JCAD: variants seen among roughly 807,000 people sequenced by gnomAD.
The protein encoded by JCAD is junctional cadherin 5 associated.
Under a neutral mutation model 98.0 loss-of-function variants are expected in JCAD, and 40 were observed. The ratio of observed to expected loss-of-function variants is 0.41; its 90% CI spans 0.32 to 0.53. The LOEUF is 0.53. JCAD is among the 20% of genes least tolerant of loss of function. The pLI, the probability that JCAD is intolerant of heterozygous loss-of-function variation, is 0.31. For missense variants in JCAD, 1,705 were observed against 1,738.1 expected, an observed-to-expected ratio of 0.98 and a Z score of 0.34; for synonymous variants, 691 against 682.3, an observed-to-expected ratio of 1.01 and a Z score of -0.20.
chr10:30,083,729 C>A (rs1838122805), intron 1 of JCAD, among the ~76,000 whole-genome samples: 2 of 152,044 alleles, frequency 1.3e-5, no homozygotes, highest in Non-Finnish European at 2.9e-5. Context: ...GTGTTTAAGC[C>A]ATAAGAAAGA....
rs1480659635 is a variant in JCAD at position 30,047,624 on chromosome 10, T to C, written c.189A>G (p.Lys63=). ...ALAHRKTSAG[K]GHVSDSESRR... Reference sequence around the variant, plus strand: ...GGCTTTCGGAGTCACTCACATGTCCTTTCCCCGCGGACGTCTTACGATGTG... The same window carrying C: ...GGCTTTCGGAGTCACTCACATGTCCCTTCCCCGCGGACGTCTTACGATGTG... The change falls in exon 2 of 4, where the codon AAA becomes AAG. Residue 63 remains lysine (K), a synonymous_variant. Transcript: ENST00000375377. 12 of 1,614,024 alleles carry C rather than the reference T, an allele frequency of 7.4e-6. No individual in the cohort carries two copies. Among genetic ancestry groups the C allele is most frequent in the Non-Finnish European group, 1.0e-5 (12 of 1,180,026 alleles).
intron 2 of JCAD, among the ~76,000 whole-genome samples, chr10:30,038,174 G>C (rs573135632): frequency 3.9e-5 from 6 of 152,112 alleles, no homozygotes; most frequent in African/African-American, 1.4e-4. Flanking sequence ...ACGGTCCACC[G>C]GCCCCACCCC....
chr10:30,031,065 C>G lies in JCAD; in HGVS notation c.282-1199G>C, dbSNP rs1564446478. 2.6e-5 allele frequency among the ~76,000 whole-genome samples: 4 copies of G among 151,202 alleles called. 1 individual carries two copies. The highest frequency in any genetic ancestry group is 4.9e-5 in the African/African-American group (2 of 40,632). ...AAAATATACACATTACCAAGTCTCTCCCACTGAAAGTTCAGACTTGGTAGG... is the reference window on the plus strand; with the variant it reads ...AAAATATACACATTACCAAGTCTCTGCCACTGAAAGTTCAGACTTGGTAGG... On this transcript the variant is annotated intron_variant, in intron 2 of 3. Coordinates refer to ENST00000375377, the MANE Select transcript of JCAD (RefSeq NM_020848.4).
chr10:30,048,374 T>C (rs1837399813), intron 1 of JCAD, among the ~76,000 whole-genome samples: 1 of 152,178 alleles, frequency 6.6e-6, no homozygotes, highest in Non-Finnish European at 1.5e-5. Context: ...GTGAGATCTT[T>C]AATCAACACA....
intron 2 of JCAD, among the ~76,000 whole-genome samples, chr10:30,065,420 A>G (rs1249784634): frequency 6.6e-6 from 1 of 152,226 alleles, no homozygotes; most frequent in Non-Finnish European, 1.5e-5. Context: ...AAAAAAATCT[A>G]GAAAGGATTT....
At chr10:30,073,653 C>CCTTCCTTCCTTCCTTCCTTCCTTG in intron 1 of JCAD, among the ~76,000 whole-genome samples, 1 of 69,184 alleles carries the variant, frequency 1.4e-5, no homozygotes, top group African/African-American at 5.1e-5. Flanking sequence ...GATTGTCCTT[C>CCTTCCTTCCTTCCTTCCTTCCTTG]CTTCCTTCCT....
Position 30,026,638 on chromosome 10 carries a change from A to G in JCAD, c.3510T>C (p.Pro1170=), listed in dbSNP as rs1207558944. 12 of 1,613,074 alleles carry G rather than the reference A, an allele frequency of 7.4e-6. No individual in the cohort carries two copies. The highest frequency in any genetic ancestry group is 1.0e-5 in the Non-Finnish European group (12 of 1,180,032). ...VGDRDSARRA[P]QAFEHSDVDG... ...CCACATCTGAGTGCTCAAAAGCCTGAGGAGCCCGCCTGGCACTGTCCCTGT... is the reference window on the plus strand; with the variant it reads ...CCACATCTGAGTGCTCAAAAGCCTGGGGAGCCCGCCTGGCACTGTCCCTGT... The change falls in exon 3 of 4, where the codon CCT becomes CCC. Residue 1170 remains proline, a synonymous_variant. Transcript: ENST00000375377.
intron 1 of JCAD, among the ~76,000 whole-genome samples, chr10:30,094,544 T>A (rs902610211): frequency 1.3e-5 from 2 of 152,160 alleles, no homozygotes; most frequent in Non-Finnish European, 2.9e-5. Flanking sequence ...GAACAAAGCC[T>A]CCCAGGTGCC....
At chr10:30,085,585 G>C (rs1333533751) in intron 1 of JCAD, among the ~76,000 whole-genome samples, 1 of 152,186 alleles carries the variant, frequency 6.6e-6, no homozygotes, top group Non-Finnish European at 1.5e-5. Flanking sequence ...GCTTCCCAGA[G>C]AGGGGCAATG....
rs1237408407 is a variant in JCAD, at chr10:30,059,344, G to C, written c.-60+138C>G. On this transcript the variant is annotated intron_variant, in intron 1 of 3. Coordinates refer to ENST00000375377, the MANE Select transcript of JCAD (RefSeq NM_020848.4). This position sits in a 1 kb window ranked among gnomAD's most constrained non-coding sequence, Gnocchi z 5.0. ...GGGGTGCAGACATCCCCCACCGCCA[G>C]GGTGGCTGGAACCGGAGCGACGTCC... The C allele has an allele frequency of 1.1e-4, 16 of 151,438 alleles. No individual in the cohort carries two copies. Among genetic ancestry groups the C allele is most frequent in the Non-Finnish European group, 1.5e-5 (1 of 67,832 alleles). The allele number at this position is 151,438 out of a possible 1,614,324, so 9.4% of individuals were successfully genotyped here.
chr10:30,058,799 G>C (rs1183113763), intron 1 of JCAD, among the ~76,000 whole-genome samples: 1 of 152,170 alleles, frequency 6.6e-6, no homozygotes, highest in Non-Finnish European at 1.5e-5. Flanking sequence ...CCTAGGCGGG[G>C]CTCCTGCCCT....
chr10:30,020,367 CA>C (rs1446939043), intron 3 of JCAD, among the ~76,000 whole-genome samples: 2 of 142,006 alleles, frequency 1.4e-5, no homozygotes, highest in East Asian at 4.1e-4. Flanking sequence ...AAGTGAAAAA[CA>C]ATCTTTTCTG....
At chr10:30,023,376 T>A (rs146586366) in intron 3 of JCAD, among the ~76,000 whole-genome samples, 4 of 152,312 alleles carry the variant, frequency 2.6e-5, no homozygotes, top group Non-Finnish European at 5.9e-5. Context: ...ACACAAATGC[T>A]TTCCATTGCG....
Position 30,027,527 on chromosome 10 carries a change from C to G in JCAD, c.2621G>C (p.Cys874Ser). ...AEPQQENRAH[C>S]RQEDVGFRGN... ...GCGGAAGCCCACATCCTCCTGTCTGCAGTGAGCACGGTTCTCCTGCTGCGG... is the reference window on the plus strand; with the variant it reads ...GCGGAAGCCCACATCCTCCTGTCTGGAGTGAGCACGGTTCTCCTGCTGCGG... Residue 874 changes from cysteine (C) to serine (S), a missense_variant, in exon 3 of 4, where the codon TGC becomes TCC. Physicochemically the swap from Cys to Ser is moderately radical, Grantham distance 112. Transcript: ENST00000375377. 6.2e-7 allele frequency: 1 copy of G among 1,612,652 alleles called. No individual in the cohort carries two copies.
At chr10:30,089,044 T>TAG (rs1292142127) in intron 1 of JCAD, among the ~76,000 whole-genome samples, 1 of 152,172 alleles carries the variant, frequency 6.6e-6, no homozygotes, top group African/African-American at 2.4e-5. Context: ...GTGCAAATTT[T>TAG]AGAAACCATT....
At chr10:30,096,620 AT>A (rs1209765865) in intron 1 of JCAD, among the ~76,000 whole-genome samples, 6,377 of 139,828 alleles carry the variant, frequency 0.046, 268 homozygotes, top group African/African-American at 0.13. Flanking sequence ...ATGAGCTGGG[AT>A]TTTTTTTTTT....
intron 1 of JCAD, among the ~76,000 whole-genome samples, chr10:30,081,877 C>G (rs776085446): frequency 7.2e-5 from 11 of 152,304 alleles, no homozygotes; most frequent in Middle Eastern, 3.4e-3. Flanking sequence ...TTAGTAGACA[C>G]TTGTTTGGAA....
At chr10:30,087,022 A>G (rs955256016) in intron 1 of JCAD, among the ~76,000 whole-genome samples, 3 of 152,158 alleles carry the variant, frequency 2.0e-5, no homozygotes, top group Non-Finnish European at 4.4e-5. Flanking sequence ...GCCCTTCCCA[A>G]TTAAGCACGT....
At chr10:30,070,172 A>G (rs1247300063) in intron 1 of JCAD, among the ~76,000 whole-genome samples, 1 of 152,234 alleles carries the variant, frequency 6.6e-6, no homozygotes, top group East Asian at 1.9e-4. Flanking sequence ...AAGAAAATAA[A>G]TCAAATGAAA....
Sources: gnomAD v4.1 joint callset for allele counts (sites outside exome capture counted in the v4.1 genomes callset) on GRCh38, gnomAD v4.1.1 for gene constraint, Gnocchi (gnomAD v3.1) non-coding constraint, MANE v1.5 for transcripts, NCBI Gene and HGNC (gene_info 2026-07-23, HGNC 2026-07-21) for gene names.